Variants in MALT1 observed in about 807,000 individuals in gnomAD.
MALT1 encodes MALT1 paracaspase.
A neutral mutation model predicts 85.5 loss-of-function variants in MALT1; 36 were observed. The ratio of observed to expected loss-of-function variants is 0.42; its 90% CI spans 0.32 to 0.56. The LOEUF (loss-of-function observed/expected upper bound fraction) is 0.56, where lower values mean the gene tolerates loss of function less well. MALT1 is among the 20% of genes least tolerant of loss of function. The pLI, the probability that MALT1 is intolerant of heterozygous loss-of-function variation, is 0.10. For missense variants in MALT1, 716 were observed against 981.6 expected, an observed-to-expected ratio of 0.73 and a Z score of 3.62; for synonymous variants, 359 against 361.3, an observed-to-expected ratio of 0.99 and a Z score of 0.07.
At chr18:58,734,026 C>A (rs2055190515) in intron 11 of MALT1, 2 of 1,244,204 alleles carry the variant, frequency 1.6e-6, no homozygotes, top group Non-Finnish European at 2.0e-6. Context: ...GGAGTAGAAC[C>A]AATGACTGTT....
At chr18:58,744,086 C>A (rs962896759) in intron 14 of MALT1, among the ~76,000 whole-genome samples, 4 of 145,444 alleles carry the variant, frequency 2.8e-5, no homozygotes, top group African/African-American at 5.0e-5. Flanking sequence ...AATTTATCTA[C>A]AATTGTATGC....
At chr18:58,742,461 C>G (rs1197610731) in intron 14 of MALT1, among the ~76,000 whole-genome samples, 2 of 152,166 alleles carry the variant, frequency 1.3e-5, no homozygotes, top group Admixed American at 1.3e-4. Flanking sequence ...AATCCTAGCA[C>G]TTTGGGAGGC....
Position 58,698,223 on chromosome 18 carries a change from CG to C in MALT1, c.498+1737del, listed in dbSNP as rs537212083. The stretch of plus-strand genomic sequence containing the variant: ...CTGGGATTACAGGCGCGCATCACCA[CG>C]CCCAGCTCATTTTTTGTGTTTTAGG... On this transcript the variant is annotated intron_variant, in intron 3 of 16. Transcript: ENST00000649217. 6.5e-4 allele frequency among the ~76,000 whole-genome samples: 99 copies of C among 152,090 alleles called. 1 individual carries two copies. Among genetic ancestry groups the C allele is most frequent in the Middle Eastern group, 6.8e-3 (2 of 294 alleles).
chr18:58,719,550 A>C (rs561849115), intron 9 of MALT1, among the ~76,000 whole-genome samples: 1 of 152,260 alleles, frequency 6.6e-6, no homozygotes, highest in East Asian at 1.9e-4. Flanking sequence ...AAGGGCTTAG[A>C]CCCTGAACTG....
chr18:58,686,089 G>A (rs1296750507), intron 2 of MALT1, among the ~76,000 whole-genome samples: 6 of 152,018 alleles, frequency 3.9e-5, no homozygotes, highest in African/African-American at 9.7e-5. Flanking sequence ...GTGCAGTGGC[G>A]CGATCTTGGC....
At chr18:58,733,796 C>T in intron 11 of MALT1, 1 of 833,236 alleles carries the variant, frequency 1.2e-6, no homozygotes. Context: ...AACTAAAGGG[C>T]ATGGGCATTT....
chr18:58,691,797 C>T (rs1206026752), intron 2 of MALT1, among the ~76,000 whole-genome samples: 5 of 151,498 alleles, frequency 3.3e-5, no homozygotes, highest in South Asian at 2.1e-4. Flanking sequence ...GGCATGAACC[C>T]GGGAGGCGGA....
chr18:58,753,869 A>G lies in MALT1; in HGVS notation c.*6027A>G, dbSNP rs2055479207. The G allele has an allele frequency of 6.6e-6, 1 of 152,246 alleles. No individual in the cohort carries two copies. Among genetic ancestry groups the G allele is most frequent in the Non-Finnish European group, 1.5e-5 (1 of 68,034 alleles). 9.4% of individuals were successfully genotyped at this position (152,246 alleles called of 1,614,324 possible). A position where few individuals can be genotyped will look rare whatever the true frequency, so the allele number is the denominator to read the frequency against. On this transcript the variant is annotated 3_prime_UTR_variant, in exon 17 of 17. Coordinates refer to ENST00000649217, the MANE Select transcript of MALT1 (RefSeq NM_006785.4). Reference sequence around the variant, plus strand: ...CATTACAGAGTGCTTATTCTGTTACAAAATTAGTAAAGCTGATTCTGCCTC... The same window carrying G: ...CATTACAGAGTGCTTATTCTGTTACGAAATTAGTAAAGCTGATTCTGCCTC...
intron 1 of MALT1, among the ~76,000 whole-genome samples, chr18:58,674,567 C>CA (rs2144293812): frequency 6.6e-6 from 1 of 151,774 alleles, no homozygotes; most frequent in East Asian, 1.9e-4. Context: ...GACTTTTTTT[C>CA]AAAAAACAGC....
At chr18:58,680,735 A>G (rs1453999705) in intron 1 of MALT1, among the ~76,000 whole-genome samples, 1 of 152,010 alleles carries the variant, frequency 6.6e-6, no homozygotes, top group African/African-American at 2.4e-5. Context: ...CATCCTGGCT[A>G]ACAAGGTGAA....
In MALT1 at chr18:58,748,397, T is replaced by C. The variant is rs1406348638; in HGVS notation, c.*555T>C. ...AAATATATTTATATATATATAAATA[T>C]ATACAGATACATATCTGTGTATTAT... On this transcript the variant is annotated 3_prime_UTR_variant, in exon 17 of 17. Transcript: ENST00000649217. 1 of 178,774 alleles carries C rather than the reference T, an allele frequency of 5.6e-6. No homozygotes were observed. Among genetic ancestry groups the C allele is most frequent in the Non-Finnish European group, 1.2e-5 (1 of 83,272 alleles). 11.1% of individuals were successfully genotyped at this position (178,774 alleles called of 1,614,324 possible).
intron 4 of MALT1, among the ~76,000 whole-genome samples, chr18:58,704,628 T>G (rs1440899894): frequency 6.6e-6 from 1 of 152,144 alleles, no homozygotes; most frequent in African/African-American, 2.4e-5. Flanking sequence ...GGCTAATTTT[T>G]TGTATTTTTG....
At chr18:58,727,289 G>A (rs200813682) in intron 10 of MALT1, among the ~76,000 whole-genome samples, 2 of 127,538 alleles carry the variant, frequency 1.6e-5, no homozygotes, top group East Asian at 4.4e-4. Flanking sequence ...TTTTTTTTTG[G>A]TTTTGGGTTT....
chr18:58,717,056 A>G (rs1402731750), intron 9 of MALT1, among the ~76,000 whole-genome samples: 1 of 152,152 alleles, frequency 6.6e-6, no homozygotes, highest in African/African-American at 2.4e-5. Flanking sequence ...AGGCGTAGTA[A>G]TATGCTTAAA....
rs150225337 is a variant in MALT1, at chr18:58,720,277, T to G, written c.1019-2771T>G. Among the ~76,000 whole-genome samples the G allele has an allele frequency of 1.4e-3, 210 of 152,356 alleles. 1 individual carries two copies. Among genetic ancestry groups the G allele is most frequent in the Admixed American group, 0.01 (159 of 15,300 alleles). On this transcript the variant is annotated intron_variant, in intron 9 of 16. Coordinates refer to ENST00000649217, the MANE Select transcript of MALT1 (RefSeq NM_006785.4). ...TTTGCCGTCTTGAAGTTTTCTTTAT[T>G]CCTCACTCTTACCTCCTCAAATTCA...
At chr18:58,729,651 G>A (rs1255522940) in intron 10 of MALT1, among the ~76,000 whole-genome samples, 2 of 152,100 alleles carry the variant, frequency 1.3e-5, no homozygotes, top group African/African-American at 2.4e-5. Flanking sequence ...ACTTAAAGTT[G>A]TTATATGGAT....
intron 10 of MALT1, among the ~76,000 whole-genome samples, chr18:58,732,912 AT>A (rs1378268757): frequency 5.5e-5 from 8 of 145,064 alleles, no homozygotes; most frequent in African/African-American, 2.2e-4. Context: ...TAATTTATTT[AT>A]TTATTTATTT....
intron 4 of MALT1, among the ~76,000 whole-genome samples, chr18:58,704,757 T>C (rs762234069): frequency 6.6e-6 from 1 of 151,986 alleles, no homozygotes; most frequent in Non-Finnish European, 1.5e-5. Flanking sequence ...ACCATGGCAT[T>C]TCTTTCATAA....
intron 2 of MALT1, among the ~76,000 whole-genome samples, chr18:58,691,865 T>G (rs868173642): frequency 5.4e-4 from 72 of 133,916 alleles, no homozygotes; most frequent in African/African-American, 2.0e-3. Context: ...AGAGCGAGAC[T>G]CCGTCTCAAA....
Sources: allele counts gnomAD v4.1 joint callset (sites outside exome capture counted in the v4.1 genomes callset), GRCh38; gene constraint gnomAD v4.1.1; transcripts MANE v1.5; gene names NCBI Gene and HGNC (gene_info 2026-07-23, HGNC 2026-07-21).